Variants in PRC1 observed in about 807,000 individuals in gnomAD.
PRC1 encodes the protein anaphase spindle elongation 1 homolog.
Under a neutral mutation model 91.2 loss-of-function variants are expected in PRC1, and 54 were observed. The observed-to-expected ratio is 0.59, with a 90% CI of 0.48 to 0.74. The LOEUF (loss-of-function observed/expected upper bound fraction) is 0.74. PRC1 is among the 30% of genes least tolerant of loss of function. The probability of loss-of-function intolerance (pLI) is 0.00; values close to 1 mark genes in which losing one functional copy is unlikely to be tolerated. For synonymous variants in PRC1, 275 were observed against 263.6 expected, an observed-to-expected ratio of 1.04 and a Z score of -0.42; for missense variants, 727 against 746.2, an observed-to-expected ratio of 0.97 and a Z score of 0.30.
chr15:90,980,494 A>T, intron 6 of PRC1, 105 bp from the exon 7 acceptor site: 2 of 1,148,518 alleles, frequency 1.7e-6, no homozygotes, highest in Non-Finnish European at 2.4e-6. Context: ...AAAGCCACAA[A>T]GGTATTATAA....
intron 6 of PRC1, 50 bp from the exon 7 acceptor site, chr15:90,980,439 TC>T (rs1372760168): frequency 6.3e-7 from 1 of 1,578,898 alleles, no homozygotes; most frequent in South Asian, 1.2e-5. Context: ...TTATATTCAC[TC>T]AGGTTTGCAA....
intron 1 of PRC1, chr15:90,986,145 A>G (rs1380422179): frequency 6.6e-6 from 1 of 152,238 alleles, no homozygotes; most frequent in Non-Finnish European, 1.5e-5. Flanking sequence ...CAGTCTATCT[A>G]CTAAAGCTGA....
chr15:90,968,785 A>C, intron 14 of PRC1: 1 of 1,207,002 alleles, frequency 8.3e-7, no homozygotes, highest in South Asian at 1.9e-5. Flanking sequence ...CTTTCCAGCT[A>C]TTGCAGGCCT....
intron 12 of PRC1, 141 bp from the exon 13 acceptor site, chr15:90,969,764 ATATATATATATATATATATAT>A: frequency 1.7e-3 from 16 of 9,424 alleles, no homozygotes; most frequent in Middle Eastern, 0.045. Flanking sequence ...AAAAAAAAAC[ATATATATATATATATATATAT>A]ATATATATAT....
intron 14 of PRC1, chr15:90,968,753 C>T: frequency 8.6e-7 from 1 of 1,163,344 alleles, no homozygotes; most frequent in African/African-American, 1.6e-5. Flanking sequence ...CTCCCTTCCC[C>T]ATGTGATTGG....
chr15:90,966,664 G>C lies in PRC1; in HGVS notation c.*467C>G, dbSNP rs2037516751. ...AGGAGGAAGGCTGTCCTGTGTGGTG[G>C]GGACAAGGCTTCAGGTAAGAGCAAA... is the stretch of plus-strand genomic sequence containing the variant. On this transcript the variant is annotated 3_prime_UTR_variant, in exon 15 of 15. Transcript: ENST00000394249. 1 of 456,090 alleles carries C rather than the reference G, an allele frequency of 2.2e-6. No homozygotes were observed. Among genetic ancestry groups the C allele is most frequent in the African/African-American group, 2.0e-5 (1 of 50,054 alleles). The allele number at this position is 456,090 out of a possible 1,614,324, so 28.3% of individuals were successfully genotyped here.
chr15:90,976,828 TCTG>T (rs2038742992), intron 8 of PRC1, 57 bp from the exon 9 acceptor site: 2 of 1,402,426 alleles, frequency 1.4e-6, no homozygotes, highest in Non-Finnish European at 2.0e-6. Context: ...ACCAATAACT[TCTG>T]CTAAGATTCT....
chr15:90,986,811 T>C (rs2039609841), intron 1 of PRC1, among the ~76,000 whole-genome samples: 1 of 152,000 alleles, frequency 6.6e-6, no homozygotes, highest in African/African-American at 2.4e-5. Flanking sequence ...TTTTACTGTG[T>C]ATGAATTATA....
chr15:90,975,417 G>C (rs76070992), intron 9 of PRC1, among the ~76,000 whole-genome samples: 3,504 of 152,184 alleles, frequency 0.023, 140 homozygotes, highest in African/African-American at 0.08. Flanking sequence ...CAGTTTCCTC[G>C]TCTGTAAAAA....
chr15:90,993,820 C>A (rs949051569), intron 1 of PRC1, among the ~76,000 whole-genome samples: 17 of 152,200 alleles, frequency 1.1e-4, no homozygotes, highest in Non-Finnish European at 2.2e-4. Flanking sequence ...CGGTGGCTCA[C>A]GCCTGTAATC....
intron 14 of PRC1, 132 bp downstream of exon 14, chr15:90,968,947 A>C (rs763677789): frequency 2.4e-5 from 37 of 1,512,458 alleles, no homozygotes; most frequent in Middle Eastern, 4.2e-4. Flanking sequence ...TTTTGAGTCC[A>C]TGATAGGAAT....
chr15:90,992,610 G>T (rs1278009929), intron 1 of PRC1, among the ~76,000 whole-genome samples: 1 of 152,028 alleles, frequency 6.6e-6, no homozygotes, highest in East Asian at 1.9e-4. Context: ...ATGATCTTAA[G>T]ATGCTTCAGA....
intron 8 of PRC1, among the ~76,000 whole-genome samples, chr15:90,978,562 G>C (rs1250870347): frequency 6.6e-6 from 1 of 151,972 alleles, no homozygotes; most frequent in Non-Finnish European, 1.5e-5. Flanking sequence ...GACCAGCCTG[G>C]CCAACATGGT....
chr15:90,980,108 G>C (rs1446533033), intron 7 of PRC1, 134 bp downstream of exon 7: 1 of 1,092,142 alleles, frequency 9.2e-7, no homozygotes, highest in Non-Finnish European at 1.2e-6. Context: ...ACTTTTGGCT[G>C]GGTGTGGTGG....
At chr15:90,983,470 C>A (rs1306850841) in intron 3 of PRC1, among the ~76,000 whole-genome samples, 1 of 152,182 alleles carries the variant, frequency 6.6e-6, no homozygotes, top group African/African-American at 2.4e-5. Flanking sequence ...CACAATATAG[C>A]CACTTCTCAG....
At chr15:90,968,208 G>A in intron 14 of PRC1, 1 of 985,412 alleles carries the variant, frequency 1.0e-6, no homozygotes, top group African/African-American at 1.7e-5. Context: ...AAAAGAGAAA[G>A]CTGGACCTCT....
intron 1 of PRC1, among the ~76,000 whole-genome samples, chr15:90,987,052 CTGTT>C (rs990226258): frequency 4.8e-5 from 7 of 147,288 alleles, no homozygotes; most frequent in Non-Finnish European, 8.9e-5. Context: ...GGCAGGAAAA[CTGTT>C]TGAGCCCAGG....
intron 9 of PRC1, among the ~76,000 whole-genome samples, chr15:90,975,929 C>A (rs2038647482): frequency 6.6e-6 from 1 of 152,146 alleles, no homozygotes; most frequent in African/African-American, 2.4e-5. Flanking sequence ...ACCATGTGAA[C>A]ACACGGAGAA....
chr15:90,966,996 A>AAGTT lies in PRC1; in HGVS notation c.*131_*134dup. 1.4e-6 allele frequency: 1 copy of AAGTT among 732,676 alleles called. No homozygotes were observed. The highest frequency in any genetic ancestry group is 2.4e-6 in the Non-Finnish European group (1 of 422,506). The allele number at this position is 732,676 out of a possible 1,614,324, so 45.4% of individuals were successfully genotyped here. A position where few individuals can be genotyped will look rare whatever the true frequency, so the allele number is the denominator to read the frequency against. ...AACTGTAACACTCATTCACATCTTTAAGTTAGGCCCATGGTCATGGAACCT... is the reference window on the plus strand; with the variant it reads ...AACTGTAACACTCATTCACATCTTTAAGTTAGTTAGGCCCATGGTCATGGAACCT... On this transcript the variant is annotated 3_prime_UTR_variant, in exon 15 of 15. Coordinates refer to ENST00000394249, the MANE Select transcript of PRC1 (RefSeq NM_003981.4).
Sources: allele counts gnomAD v4.1 joint callset (sites outside exome capture counted in the v4.1 genomes callset), GRCh38; gene constraint gnomAD v4.1.1; transcripts MANE v1.5; gene names NCBI Gene and HGNC (gene_info 2026-07-23, HGNC 2026-07-21).